Variants in PCDHAC1 observed in about 807,000 individuals in gnomAD.
The protein encoded by PCDHAC1 is protocadherin alpha subfamily C, 1.
Under a neutral mutation model 60.0 loss-of-function variants are expected in PCDHAC1, and 42 were observed. The observed-to-expected ratio is 0.70, with a 90% confidence interval of 0.55 to 0.90. The LOEUF (loss-of-function observed/expected upper bound fraction) is 0.90, where lower values mean the gene tolerates loss of function less well. PCDHAC1 is among the 40% of genes least tolerant of loss of function. PCDHAC1 has a pLI of 0.00. For missense variants in PCDHAC1, 1,160 were observed against 1,222.3 expected (o/e 0.95, Z 0.76); for synonymous variants, 468 against 499.3 (o/e 0.94, Z 0.84).
In PCDHAC1 at chr5:140,982,576, G is replaced by C. The variant is rs782355791; in HGVS notation, c.2581+13G>C. ...AGTGCAACACCAGGTAAAGAGCTGG[G>C]GTCTCTCCATTCTTTCTTGGTTTCT... On this transcript the variant is annotated intron_variant, in intron 3 of 3. Transcript: ENST00000253807. 3.1e-6 allele frequency: 5 copies of C among 1,613,270 alleles called. 1 individual carries two copies. In the South Asian group the frequency reaches 5.5e-5, roughly 18 times the overall value.
At chr5:140,946,202 A>T (rs2093901656) in intron 1 of PCDHAC1, among the ~76,000 whole-genome samples, 1 of 152,118 alleles carries the variant, frequency 6.6e-6, no homozygotes, top group Non-Finnish European at 1.5e-5. Context: ...AAAAGAAAGC[A>T]CACAAATGAC....
chr5:140,954,411 G>A (rs246022), intron 1 of PCDHAC1, among the ~76,000 whole-genome samples: 85,294 of 151,642 alleles, frequency 0.56, 24,563 homozygotes, highest in African/African-American at 0.69. Flanking sequence ...ACAGGGTAAA[G>A]GTGTTCCTTT....
chr5:141,009,062 A>G (rs1466818539), intron 3 of PCDHAC1, among the ~76,000 whole-genome samples: 1 of 152,240 alleles, frequency 6.6e-6, no homozygotes, highest in East Asian at 1.9e-4. Context: ...TCACAACTGT[A>G]TTCTTTAGGA....
chr5:140,959,116 G>A (rs2095468018), intron 1 of PCDHAC1, among the ~76,000 whole-genome samples: 1 of 152,002 alleles, frequency 6.6e-6, no homozygotes, highest in South Asian at 2.1e-4. Context: ...TCCGAAGGTG[G>A]GCGAGGTGAG....
At chr5:140,986,583 T>C (rs1265983211) in intron 3 of PCDHAC1, among the ~76,000 whole-genome samples, 1 of 152,170 alleles carries the variant, frequency 6.6e-6, no homozygotes, top group African/African-American at 2.4e-5. Flanking sequence ...TTTTTCCAGC[T>C]CCTCTTTCTA....
At chr5:140,967,331 C>T (rs2096128497) in intron 1 of PCDHAC1, 1 of 1,608,078 alleles carries the variant, frequency 6.2e-7, no homozygotes, top group African/African-American at 1.3e-5. Context: ...CGAGCTCAGC[C>T]CCAGCGAGCA....
At chr5:140,953,104 G>T (rs535123595) in intron 1 of PCDHAC1, among the ~76,000 whole-genome samples, 1 of 152,244 alleles carries the variant, frequency 6.6e-6, no homozygotes, top group African/African-American at 2.4e-5. Flanking sequence ...CATGAGATTT[G>T]GGCAGGGACA....
intron 1 of PCDHAC1, among the ~76,000 whole-genome samples, chr5:140,945,071 C>A (rs246061): frequency 0.56 from 85,726 of 151,850 alleles, 24,797 homozygotes; most frequent in African/African-American, 0.69. Context: ...CAGACTCCAC[C>A]AAAACACTCT....
At chr5:141,007,395 CAAAAA>C (rs35800918) in intron 3 of PCDHAC1, among the ~76,000 whole-genome samples, 1 of 94,866 alleles carries the variant, frequency 1.1e-5, no homozygotes, top group Non-Finnish European at 2.1e-5. Flanking sequence ...TACTAAAATA[CAAAAA>C]AAAAAAAAAA....
intron 3 of PCDHAC1, among the ~76,000 whole-genome samples, chr5:140,987,478 T>A (rs2097255782): frequency 6.6e-6 from 1 of 152,104 alleles, no homozygotes. Flanking sequence ...AGCTTGGGAG[T>A]CAGTGACCCT....
chr5:140,950,694 T>C (rs1361506103), intron 1 of PCDHAC1, among the ~76,000 whole-genome samples: 4 of 152,104 alleles, frequency 2.6e-5, no homozygotes, highest in African/African-American at 9.7e-5. Flanking sequence ...TAACCAAATT[T>C]GACAAATTTT....
chr5:140,999,678 G>A (rs1204037119), intron 3 of PCDHAC1, among the ~76,000 whole-genome samples: 2 of 152,112 alleles, frequency 1.3e-5, no homozygotes, highest in East Asian at 1.9e-4. Context: ...GGGGCTCACA[G>A]AAAGAAGAAA....
At chr5:140,999,845 T>G (rs1293721817) in intron 3 of PCDHAC1, among the ~76,000 whole-genome samples, 1 of 152,188 alleles carries the variant, frequency 6.6e-6, no homozygotes, top group Non-Finnish European at 1.5e-5. Flanking sequence ...CAAGTGTATT[T>G]ATCTCTTCCG....
At chr5:141,006,238 G>T (rs1298883912) in intron 3 of PCDHAC1, among the ~76,000 whole-genome samples, 1 of 151,428 alleles carries the variant, frequency 6.6e-6, no homozygotes, top group East Asian at 1.9e-4. Flanking sequence ...TTTAGATGGA[G>T]TCTTGCTCTG....
intron 1 of PCDHAC1, chr5:140,966,746 C>T: frequency 1.4e-6 from 2 of 1,425,932 alleles, no homozygotes; most frequent in Non-Finnish European, 1.8e-6. Context: ...TGCCCGGCTG[C>T]CTCCGCCGCG....
chr5:140,967,276 G>C, intron 1 of PCDHAC1: 2 of 1,613,398 alleles, frequency 1.2e-6, no homozygotes. Context: ...TTCACATAGA[G>C]AGTGCGCAGG....
At chr5:140,946,345 G>A (rs1292610586) in intron 1 of PCDHAC1, among the ~76,000 whole-genome samples, 1 of 151,836 alleles carries the variant, frequency 6.6e-6, no homozygotes, top group Non-Finnish European at 1.5e-5. Flanking sequence ...GTGATGGAGA[G>A]GATGTGGAGA....
chr5:140,968,962 C>T (rs1554231271), intron 1 of PCDHAC1: 29 of 1,614,056 alleles, frequency 1.8e-5, no homozygotes, highest in Non-Finnish European at 2.2e-5. Context: ...TCAAGTGCTA[C>T]CGCTACACTG....
intron 3 of PCDHAC1, among the ~76,000 whole-genome samples, chr5:141,005,129 C>T (rs1554259896): frequency 6.6e-6 from 1 of 152,180 alleles, no homozygotes; most frequent in African/African-American, 2.4e-5. Context: ...CCAAAAGTGC[C>T]TCATTGGAGA....
Sources: gnomAD v4.1 joint callset for allele counts (sites outside exome capture counted in the v4.1 genomes callset) on GRCh38, gnomAD v4.1.1 for gene constraint, MANE v1.5 for transcripts, NCBI Gene and HGNC (gene_info 2026-07-23, HGNC 2026-07-21) for gene names.